Variants in RIMS2 observed in about 807,000 individuals in gnomAD.
The protein encoded by RIMS2 is regulating synaptic membrane exocytosis protein 2.
Under a neutral mutation model 174.4 loss-of-function variants are expected in RIMS2, and 59 were observed. The ratio of observed to expected loss-of-function variants is 0.34; its 90% CI spans 0.27 to 0.42. The LOEUF (loss-of-function observed/expected upper bound fraction) is 0.42. Ranked by LOEUF, RIMS2 falls within the 10% of genes least tolerant of loss-of-function variation. RIMS2 has a pLI of 1.00. For missense variants in RIMS2, 1,620 were observed against 1,666.3 expected (o/e 0.97, Z 0.48); for synonymous variants, 606 against 572.5 (o/e 1.06, Z -0.84).
intron 3 of RIMS2, among the ~76,000 whole-genome samples, chr8:103,868,911 A>G (rs915777789): frequency 2.0e-5 from 3 of 152,156 alleles, no homozygotes; most frequent in Non-Finnish European, 4.4e-5. Flanking sequence ...TTAATTTGGC[A>G]TATATGTTAA....
At chr8:103,697,326 TAGTTAAG>T (rs2097115263) in intron 2 of RIMS2, 30 bp downstream of exon 4, 1 of 1,469,748 alleles carries the variant, frequency 6.8e-7, no homozygotes, top group African/African-American at 1.4e-5. Flanking sequence ...AGTTCTCTTC[TAGTTAAG>T]CTTATTGTGT....
intron 1 of RIMS2, among the ~76,000 whole-genome samples, chr8:103,590,945 AT>A (rs1394459372): frequency 6.6e-6 from 1 of 150,852 alleles, no homozygotes; most frequent in Non-Finnish European, 1.5e-5. Context: ...GTTTATGTTT[AT>A]TTTTATGAGA....
intron 19 of RIMS2, among the ~76,000 whole-genome samples, chr8:104,042,782 C>T (rs942148789): frequency 5.3e-5 from 8 of 151,474 alleles, no homozygotes; most frequent in Non-Finnish European, 8.9e-5. Flanking sequence ...GATTGGTGGT[C>T]TGGAATTCAG....
chr8:103,550,797 T>C (rs140708676), intron 1 of RIMS2, among the ~76,000 whole-genome samples: 3 of 152,178 alleles, frequency 2.0e-5, no homozygotes, highest in African/African-American at 7.2e-5. Context: ...CCCACAGAAA[T>C]ACAAACTACC....
intron 19 of RIMS2, among the ~76,000 whole-genome samples, chr8:104,109,191 G>A (rs561985033): frequency 5.7e-4 from 86 of 151,282 alleles, no homozygotes; most frequent in African/African-American, 2.0e-3. Flanking sequence ...CAGCTACTCC[G>A]GAGGCCGAGG....
chr8:103,619,996 T>C (rs1033454336), intron 1 of RIMS2, among the ~76,000 whole-genome samples: 1 of 152,166 alleles, frequency 6.6e-6, no homozygotes, highest in Non-Finnish European at 1.5e-5. Flanking sequence ...TTTTGCATTT[T>C]ACCTATAACA....
At chr8:104,021,268 G>C (rs1342753448) in intron 19 of RIMS2, among the ~76,000 whole-genome samples, 1 of 151,974 alleles carries the variant, frequency 6.6e-6, no homozygotes, top group Non-Finnish European at 1.5e-5. Flanking sequence ...GCACATTCTA[G>C]AATATGATTT....
At chr8:103,883,749 C>G (rs1163617371) in intron 3 of RIMS2, among the ~76,000 whole-genome samples, 1 of 151,670 alleles carries the variant, frequency 6.6e-6, no homozygotes, top group East Asian at 1.9e-4. Flanking sequence ...TATACAGAAG[C>G]CATTATTGTC....
intron 14 of RIMS2, among the ~76,000 whole-genome samples, chr8:103,954,455 A>G (rs940660395): frequency 6.6e-6 from 1 of 152,214 alleles, no homozygotes; most frequent in African/African-American, 2.4e-5. Flanking sequence ...AACTCACTCA[A>G]AACCACACAA....
chr8:103,872,179 A>T (rs2099115566), intron 3 of RIMS2, among the ~76,000 whole-genome samples: 1 of 152,164 alleles, frequency 6.6e-6, no homozygotes, highest in African/African-American at 2.4e-5. Context: ...AATTGGGAGG[A>T]GATGCTCATG....
At chr8:103,974,067 A>G (rs2093188966) in intron 15 of RIMS2, among the ~76,000 whole-genome samples, 1 of 152,310 alleles carries the variant, frequency 6.6e-6, no homozygotes, top group South Asian at 2.1e-4. Flanking sequence ...GCAATTGTTC[A>G]TGTTTCAGAG....
exon 3 of RIMS2, chr8:103,766,299 A>C (rs2098170425): frequency 1.9e-6 from 3 of 1,613,344 alleles, no homozygotes; most frequent in Non-Finnish European, 2.5e-6. Flanking sequence ...GTTTTATAAT[A>C]GTGGATCTAA....
At chr8:103,981,364 A>G (rs1444624855) in intron 16 of RIMS2, among the ~76,000 whole-genome samples, 1 of 152,194 alleles carries the variant, frequency 6.6e-6, no homozygotes, top group African/African-American at 2.4e-5. Flanking sequence ...TGCAAAAAAC[A>G]CAGCATTATT....
chr8:104,052,140 T>C (rs1175625405), intron 19 of RIMS2, among the ~76,000 whole-genome samples: 1 of 152,182 alleles, frequency 6.6e-6, no homozygotes, highest in East Asian at 1.9e-4. Flanking sequence ...TTTAGGGTGA[T>C]AGAAATACTC....
chr8:104,130,153 C>T (rs2098463054), intron 19 of RIMS2, among the ~76,000 whole-genome samples: 1 of 152,062 alleles, frequency 6.6e-6, no homozygotes, highest in Non-Finnish European at 1.5e-5. Flanking sequence ...GACAAAATAT[C>T]CAAATGCCAT....
chr8:104,188,792 T>C (rs1365404039), intron 19 of RIMS2, among the ~76,000 whole-genome samples: 2 of 151,904 alleles, frequency 1.3e-5, no homozygotes, highest in African/African-American at 4.8e-5. Context: ...TTTATTTCAC[T>C]AGACTCTTCA....
At chr8:103,756,246 A>G (rs896063097) in intron 2 of RIMS2, among the ~76,000 whole-genome samples, 1 of 152,136 alleles carries the variant, frequency 6.6e-6, no homozygotes, top group Non-Finnish European at 1.5e-5. Context: ...TTGCCTGGGT[A>G]TCACCAGCAG....
At chr8:103,805,354 C>T (rs927696494) in intron 3 of RIMS2, among the ~76,000 whole-genome samples, 1 of 149,538 alleles carries the variant, frequency 6.7e-6, no homozygotes. Flanking sequence ...TAGATTTCTT[C>T]TTTAGTAAGC....
chr8:103,595,985 C>A (rs1445328712), intron 1 of RIMS2, among the ~76,000 whole-genome samples: 1 of 151,930 alleles, frequency 6.6e-6, no homozygotes, highest in East Asian at 1.9e-4. Flanking sequence ...TTGCTGTGAA[C>A]ACAATGGCTA....
Sources: gnomAD v4.1 joint callset for allele counts (sites outside exome capture counted in the v4.1 genomes callset) on GRCh38, gnomAD v4.1.1 for gene constraint, MANE v1.5 for transcripts, NCBI Gene and HGNC (gene_info 2026-07-23, HGNC 2026-07-21) for gene names.